The following PBLD variants were observed in gnomAD, a reference collection of about 807,000 sequenced individuals.
PBLD encodes phenazine biosynthesis like protein domain containing.
Under a neutral mutation model 31.3 loss-of-function variants are expected in PBLD, and 26 were observed. The ratio of observed to expected loss-of-function variants is 0.83; its 90% confidence interval spans 0.61 to 1.15. The LOEUF (loss-of-function observed/expected upper bound fraction) is 1.15. Among genes scored for constraint, PBLD ranks in the 50% most tolerant of loss-of-function variants. The pLI is 0.00. For missense variants in PBLD, 307 were observed against 351.7 expected, an observed-to-expected ratio of 0.87 and a Z score of 1.02; for synonymous variants, 114 against 129.0, an observed-to-expected ratio of 0.88 and a Z score of 0.79.
At chr10:68,328,493 C>T (rs1339739098) in intron 1 of PBLD, among the ~76,000 whole-genome samples, 1 of 152,202 alleles carries the variant, frequency 6.6e-6, no homozygotes, top group Non-Finnish European at 1.5e-5. Flanking sequence ...CTCTGGGTCA[C>T]ATGGGTACTT....
chr10:68,317,218 T>A (rs1380567594), intron 1 of PBLD, among the ~76,000 whole-genome samples: 1 of 152,102 alleles, frequency 6.6e-6, no homozygotes, highest in Non-Finnish European at 1.5e-5. Flanking sequence ...AAACTATCAC[T>A]CAAAGCAAAG....
chr10:68,292,542 C>A (rs2044374219), intron 4 of PBLD, among the ~76,000 whole-genome samples: 1 of 151,146 alleles, frequency 6.6e-6, no homozygotes, highest in Non-Finnish European at 1.5e-5. Flanking sequence ...CATGGTCTCA[C>A]TGTGTTGCCC....
chr10:68,296,862 T>A (rs1589653503), intron 3 of PBLD, 24 bp downstream of exon 3: 4 of 1,212,090 alleles, frequency 3.3e-6, no homozygotes, highest in South Asian at 2.8e-5. Context: ...GAACAGTTCT[T>A]AAAAAAAAAA....
intron 1 of PBLD, among the ~76,000 whole-genome samples, chr10:68,317,821 A>C (rs73273190): frequency 0.06 from 9,066 of 151,702 alleles, 913 homozygotes; most frequent in African/African-American, 0.21. Flanking sequence ...AACAAACAAA[A>C]AAAATGTAGA....
At chr10:68,321,560 G>T (rs975385606) in intron 1 of PBLD, among the ~76,000 whole-genome samples, 8 of 152,096 alleles carry the variant, frequency 5.3e-5, no homozygotes, top group Non-Finnish European at 1.0e-4. Flanking sequence ...AAGGAAATTT[G>T]GGAAATTCAA....
At chr10:68,320,968 C>T (rs971883216) in intron 1 of PBLD, among the ~76,000 whole-genome samples, 7 of 151,878 alleles carry the variant, frequency 4.6e-5, no homozygotes, top group Non-Finnish European at 5.9e-5. Flanking sequence ...ACTACAGGTG[C>T]GCACCACCAC....
At chr10:68,289,074 T>C in intron 6 of PBLD, 55 bp from the exon 7 acceptor site, 2 of 1,359,810 alleles carry the variant, frequency 1.5e-6, no homozygotes, top group Non-Finnish European at 1.0e-6. Flanking sequence ...AAGTCCTTGA[T>C]CCCCTGAAAT....
At chr10:68,286,475 A>C (rs1317475951) in intron 8 of PBLD, among the ~76,000 whole-genome samples, 1 of 152,092 alleles carries the variant, frequency 6.6e-6, no homozygotes, top group Non-Finnish European at 1.5e-5. Flanking sequence ...CTCTGAAAAA[A>C]GGCTAAATTT....
chr10:68,329,446 T>C (rs762111974), intron 1 of PBLD, among the ~76,000 whole-genome samples: 2 of 152,170 alleles, frequency 1.3e-5, no homozygotes, highest in Non-Finnish European at 2.9e-5. Context: ...AAACAAATTG[T>C]TTGAATTCAA....
At chr10:68,317,009 T>C (rs1452272740) in intron 1 of PBLD, among the ~76,000 whole-genome samples, 1 of 151,776 alleles carries the variant, frequency 6.6e-6, no homozygotes, top group Non-Finnish European at 1.5e-5. Context: ...TAAGACTCCA[T>C]CTCAAAAAAA....
intron 8 of PBLD, chr10:68,286,930 C>CCA (rs1485492203): frequency 6.6e-6 from 1 of 152,056 alleles, no homozygotes; most frequent in Non-Finnish European, 1.5e-5. Context: ...GAGTTCAAGA[C>CCA]CAGCCTGGCC....
intron 1 of PBLD, among the ~76,000 whole-genome samples, chr10:68,310,618 C>G (rs2044653676): frequency 6.7e-6 from 1 of 149,756 alleles, no homozygotes; most frequent in African/African-American, 2.5e-5. Flanking sequence ...CCAGCCACCC[C>G]CACCTCTGAC....
intron 4 of PBLD, among the ~76,000 whole-genome samples, chr10:68,295,081 T>C (rs2134443603): frequency 6.6e-6 from 1 of 152,300 alleles, no homozygotes; most frequent in Admixed American, 6.5e-5. Flanking sequence ...AAGGCCCTGA[T>C]CTTTGTCCAT....
chr10:68,319,277 G>A (rs998932370), intron 1 of PBLD, among the ~76,000 whole-genome samples: 16 of 152,068 alleles, frequency 1.1e-4, no homozygotes, highest in Admixed American at 1.0e-3. Context: ...CATGAGACAT[G>A]TAGAAAACAA....
chr10:68,297,075 T>C, intron 2 of PBLD, 90 bp from the exon 3 acceptor site: 1 of 1,001,314 alleles, frequency 1.0e-6, no homozygotes, highest in Non-Finnish European at 1.6e-6. Flanking sequence ...AAAAGCAGTT[T>C]AGCAATAATA....
intron 1 of PBLD, among the ~76,000 whole-genome samples, chr10:68,314,892 C>T (rs778413060): frequency 4.6e-5 from 7 of 151,996 alleles, no homozygotes; most frequent in African/African-American, 1.2e-4. Flanking sequence ...TGGGTTCAAG[C>T]GATTTTTCTG....
chr10:68,311,218 G>A (rs1302872910), intron 1 of PBLD, among the ~76,000 whole-genome samples: 1 of 152,140 alleles, frequency 6.6e-6, no homozygotes, highest in African/African-American at 2.4e-5. Flanking sequence ...GGAAACCGAG[G>A]CAGGTGGATC....
chr10:68,322,122 T>C (rs1468256769), intron 1 of PBLD, among the ~76,000 whole-genome samples: 5 of 152,248 alleles, frequency 3.3e-5, no homozygotes, highest in Middle Eastern at 3.4e-3. Flanking sequence ...GTTATTACCA[T>C]GTGAAGAGGA....
chr10:68,293,004 G>A (rs2044379679), intron 4 of PBLD, among the ~76,000 whole-genome samples: 1 of 152,140 alleles, frequency 6.6e-6, no homozygotes, highest in Non-Finnish European at 1.5e-5. Flanking sequence ...GGGACTACAG[G>A]CATGAGCCAT....
Sources: allele counts gnomAD v4.1 joint callset (sites outside exome capture counted in the v4.1 genomes callset), GRCh38; gene constraint gnomAD v4.1.1; transcripts MANE v1.5; gene names NCBI Gene and HGNC (gene_info 2026-07-23, HGNC 2026-07-21).